MDH2: variants seen among roughly 807,000 people sequenced by gnomAD.
MDH2 encodes malate dehydrogenase, mitochondrial.
MDH2 carries 25 observed loss-of-function variants against 33.6 expected under a neutral mutation model. The observed-to-expected ratio is 0.74, with a 90% confidence interval of 0.54 to 1.04. MDH2 has a LOEUF of 1.04. Ranked by LOEUF, MDH2 falls within the 50% of genes least tolerant of loss-of-function variation. MDH2 has a pLI of 0.00. For missense variants in MDH2, 432 were observed against 445.0 expected (o/e 0.97, Z 0.26); for synonymous variants, 193 against 188.7 (o/e 1.02, Z -0.19).
chr7:76,065,443 G>C (rs1178503105), intron 8 of MDH2, among the ~76,000 whole-genome samples: 1 of 152,224 alleles, frequency 6.6e-6, no homozygotes, highest in African/African-American at 2.4e-5. Context: ...GGGCAGAAAT[G>C]AGGCAGATGT....
intron 2 of MDH2, among the ~76,000 whole-genome samples, chr7:76,057,181 T>TG (rs1325158823): frequency 6.6e-6 from 1 of 152,044 alleles, no homozygotes; most frequent in African/African-American, 2.4e-5. Flanking sequence ...CCATTCTAGC[T>TG]GGGGCCTGGG....
chr7:76,055,571 A>G (rs1467888794), intron 2 of MDH2, among the ~76,000 whole-genome samples: 1 of 151,634 alleles, frequency 6.6e-6, no homozygotes, highest in Non-Finnish European at 1.5e-5. Flanking sequence ...CCCCTATCTC[A>G]ACAAAAAGTC....
In MDH2 at chr7:76,063,539, G is replaced by A. The variant is rs574256155; in HGVS notation, c.580G>A (p.Val194Ile). The stretch of plus-strand genomic sequence containing the variant: ...GGGTTTGGATCCAGCTCGAGTCAAC[G>A]TCCCTGTCATTGGTGGCCATGCTGG... ...LKGLDPARVN[V>I]PVIGGHAGKT... is the part of the protein sequence containing the mutation. The change falls in exon 6 of 9, where the codon GTC becomes ATC. Residue 194 changes from valine (V) to isoleucine (I), a missense_variant. Transcript: ENST00000315758. 116 of 1,614,212 alleles carry A rather than the reference G, an allele frequency of 7.2e-5. No individual in the cohort carries two copies. The South Asian group carries it at 1.1e-3, about 15-fold the overall frequency.
intron 1 of MDH2, among the ~76,000 whole-genome samples, chr7:76,053,328 T>C (rs1563545817): frequency 1.3e-5 from 2 of 152,074 alleles, no homozygotes; most frequent in Admixed American, 1.3e-4. Context: ...GAGCTGGGAT[T>C]TGGGAGTCCC....
In MDH2 at chr7:76,064,439, G is replaced by A. The variant is rs1554587490; in HGVS notation, c.733+1G>A. ...GTGGTCAAGGCTAAAGCCGGAGCAG[G>A]TAGAGTCTCAGGCAGCCCCGGGGCT... is the stretch of plus-strand genomic sequence containing the variant. On this transcript the variant is annotated splice_donor_variant, in intron 7 of 8. Transcript: ENST00000315758. LOFTEE classifies it high-confidence loss of function. The A allele has an allele frequency of 3.7e-6, 6 of 1,611,428 alleles. No homozygotes were observed. The highest frequency in any genetic ancestry group is 4.2e-6 in the Non-Finnish European group (5 of 1,178,990).
At chr7:76,064,088 CTTTTT>C (rs1401804798) in intron 6 of MDH2, among the ~76,000 whole-genome samples, 4 of 145,528 alleles carry the variant, frequency 2.7e-5, no homozygotes, top group Non-Finnish European at 6.1e-5. Flanking sequence ...TTCACTTCGT[CTTTTT>C]TTTTTTTATC....
Position 76,048,193 on chromosome 7 carries a change from T to A in MDH2, c.33T>A (p.Ala11=). The A allele has an allele frequency of 6.5e-7, 1 of 1,536,632 alleles. No individual in the cohort carries two copies. The highest frequency in any genetic ancestry group is 8.7e-7 in the Non-Finnish European group (1 of 1,146,950). The stretch of plus-strand genomic sequence containing the variant: ...CCGCCCTCGCCCGGCCTGCCAGCGC[T>A]GCTCTCCGCCGCAGCTTCAGCACCT... The part of the protein sequence containing the change: MLSALARPAS[A]ALRRSFSTSA... Residue 11 remains alanine (A), a synonymous_variant, in exon 1 of 9, where the codon GCT becomes GCA. Transcript: ENST00000315758.
chr7:76,049,364 A>G (rs550441101), intron 1 of MDH2, among the ~76,000 whole-genome samples: 10 of 152,314 alleles, frequency 6.6e-5, no homozygotes, highest in African/African-American at 2.2e-4. Context: ...AGATAAGTAC[A>G]TTAAGTACCT....
At chr7:76,060,219 G>A in intron 4 of MDH2, 154 bp from the exon 5 acceptor site, 1 of 975,474 alleles carries the variant, frequency 1.0e-6, no homozygotes, top group Non-Finnish European at 1.5e-6. Flanking sequence ...CAGGTGGCTT[G>A]CCAGTACAGA....
chr7:76,055,172 A>G (rs1161171719), intron 2 of MDH2, among the ~76,000 whole-genome samples, 174 bp downstream of exon 2: 3 of 152,218 alleles, frequency 2.0e-5, no homozygotes, highest in Non-Finnish European at 4.4e-5. Context: ...ATAAAAATTG[A>G]AACAGCGGTG....
In MDH2 at chr7:76,060,437, A is replaced by G. The variant is rs781882469; in HGVS notation, c.494A>G (p.Lys165Arg). Residue 165 changes from lysine (K) to arginine (R), a missense_variant, in exon 5 of 9, where the codon AAA becomes AGA. Physicochemically the swap from Lys to Arg is conservative, Grantham distance 26. Transcript: ENST00000315758. ...AAGCATGGAGTGTACAACCCCAACA[A>G]AATCTTCGGCGTGACGACCCTGGAC... ...FKKHGVYNPN[K>R]IFGVTTLDIV... is the part of the protein sequence containing the mutation. 6 of 1,613,930 alleles carry G rather than the reference A, an allele frequency of 3.7e-6. No individual in the cohort carries two copies. The African/African-American group carries it at 4.0e-5, about 11-fold the overall frequency.
At chr7:76,061,682 C>T (rs1466256274) in intron 5 of MDH2, among the ~76,000 whole-genome samples, 12 of 151,730 alleles carry the variant, frequency 7.9e-5, no homozygotes, top group Non-Finnish European at 1.6e-4. Flanking sequence ...CAGGTGAGCG[C>T]AGGTGTATGT....
intron 6 of MDH2, 143 bp downstream of exon 6, chr7:76,063,735 CT>C: frequency 1.3e-6 from 1 of 771,172 alleles, no homozygotes; most frequent in East Asian, 2.7e-5. Flanking sequence ...AGCCCCGCCC[CT>C]CTGCTGCAGG....
At chr7:76,049,849 T>C (rs1797556970) in intron 1 of MDH2, among the ~76,000 whole-genome samples, 1 of 152,184 alleles carries the variant, frequency 6.6e-6, no homozygotes, top group African/African-American at 2.4e-5. Context: ...TTTACTTTTT[T>C]TGATGCAGTG....
chr7:76,064,044 T>G (rs191914091), intron 6 of MDH2, among the ~76,000 whole-genome samples: 8 of 150,862 alleles, frequency 5.3e-5, no homozygotes, highest in Non-Finnish European at 1.2e-4. Context: ...AACAAATGAG[T>G]AGGGGACTCA....
intron 2 of MDH2, 131 bp downstream of exon 2, chr7:76,055,129 A>AC (rs1797730765): frequency 1.9e-6 from 2 of 1,027,266 alleles, no homozygotes; most frequent in East Asian, 5.5e-5. Flanking sequence ...TTTAAATTTT[A>AC]CAAGTGATTA....
Position 76,048,244 on chromosome 7 carries a change from C to G in MDH2, c.66+18C>G. 6.5e-7 allele frequency: 1 copy of G among 1,530,946 alleles called. No homozygotes were observed. Among genetic ancestry groups the G allele is most frequent in the South Asian group, 1.2e-5 (1 of 83,786 alleles). 94.8% of individuals were successfully genotyped at this position (1,530,946 alleles called of 1,614,324 possible). On this transcript the variant is annotated intron_variant, in intron 1 of 8. Transcript: ENST00000315758. ...CGGCCCAGGTAGGCCAGACGAGGGG[C>G]GGCCTGCAGGCGGAGGCCCCCCGGC...
In MDH2 at chr7:76,064,389, G is replaced by A. The variant is rs1798036899; in HGVS notation, c.684G>A (p.Gly228=). 1 of 1,613,652 alleles carries A rather than the reference G, an allele frequency of 6.2e-7. No individual in the cohort carries two copies. The highest frequency in any genetic ancestry group is 1.7e-5 in the Admixed American group (1 of 59,968). Residue 228 remains glycine (G), a synonymous_variant, in exon 7 of 9, where the codon GGG becomes GGA. Transcript: ENST00000315758. ...AGGACCAGCTGACAGCACTCACTGG[G>A]CGGATCCAGGAGGCCGGCACGGAGG... is the stretch of plus-strand genomic sequence containing the variant. The part of the protein sequence containing the change: ...FPQDQLTALT[G]RIQEAGTEVV...
chr7:76,052,794 G>A (rs1418074276), intron 1 of MDH2, among the ~76,000 whole-genome samples: 1 of 152,020 alleles, frequency 6.6e-6, no homozygotes, highest in Non-Finnish European at 1.5e-5. Flanking sequence ...GATCCACCTC[G>A]GCCTCTCAGA....
Sources: allele counts gnomAD v4.1 joint callset (sites outside exome capture counted in the v4.1 genomes callset), GRCh38; gene constraint gnomAD v4.1.1; transcripts MANE v1.5; gene names NCBI Gene and HGNC (gene_info 2026-07-23, HGNC 2026-07-21).